Variants in ENDOD1 observed in about 807,000 individuals in gnomAD.
The protein encoded by ENDOD1 is endonuclease domain containing 1.
ENDOD1 carries 9 observed loss-of-function variants against 6.5 expected under a neutral mutation model. That is an observed-to-expected ratio of 1.39 (90% CI 0.84 to 2.43). ENDOD1 has a LOEUF of 2.43. ENDOD1 is among the 30% of genes most tolerant of loss of function. ENDOD1 has a pLI of 0.00. For missense variants in ENDOD1, 648 were observed against 635.5 expected, an observed-to-expected ratio of 1.02 and a Z score of -0.21; for synonymous variants, 255 against 255.2, an observed-to-expected ratio of 1.00 and a Z score of 0.01.
intron 1 of ENDOD1, among the ~76,000 whole-genome samples, chr11:95,107,196 T>G (rs1274706790): frequency 2.6e-5 from 4 of 151,782 alleles, no homozygotes; most frequent in African/African-American, 9.7e-5. Context: ...TTTACTGGTT[T>G]AAGAAGTCTG....
intron 1 of ENDOD1, among the ~76,000 whole-genome samples, chr11:95,093,308 T>C (rs1404376869): frequency 6.6e-6 from 1 of 152,192 alleles, no homozygotes; most frequent in Non-Finnish European, 1.5e-5. Flanking sequence ...TAAACCAGAC[T>C]GTTTGTGATG....
chr11:95,116,811 CTT>C (rs1555112530), intron 1 of ENDOD1, among the ~76,000 whole-genome samples: 3 of 152,144 alleles, frequency 2.0e-5, no homozygotes, highest in Non-Finnish European at 4.4e-5. Flanking sequence ...CAAAATTCCT[CTT>C]GTTATTGATT....
At chr11:95,094,393 T>G (rs1555110124) in intron 1 of ENDOD1, among the ~76,000 whole-genome samples, 6 of 152,172 alleles carry the variant, frequency 3.9e-5, no homozygotes. Flanking sequence ...GTCTTAGGAC[T>G]CTAATTTTCA....
intron 1 of ENDOD1, among the ~76,000 whole-genome samples, chr11:95,105,296 C>T (rs1410883693): frequency 6.6e-6 from 1 of 152,184 alleles, no homozygotes; most frequent in Non-Finnish European, 1.5e-5. Context: ...TGTAAAATGG[C>T]ATAGTATTTG....
At chr11:95,091,621 C>T (rs970982607) in intron 1 of ENDOD1, among the ~76,000 whole-genome samples, 2 of 152,230 alleles carry the variant, frequency 1.3e-5, no homozygotes, top group Non-Finnish European at 2.9e-5. Context: ...CCCTTGATCT[C>T]ATGGACAGCT....
chr11:95,116,855 G>T (rs1254922077), intron 1 of ENDOD1, among the ~76,000 whole-genome samples: 1 of 152,136 alleles, frequency 6.6e-6, no homozygotes, highest in Non-Finnish European at 1.5e-5. Context: ...AAGATGCTTG[G>T]CATTATTTCA....
chr11:95,111,735 C>T (rs1859152659), intron 1 of ENDOD1, among the ~76,000 whole-genome samples: 1 of 152,148 alleles, frequency 6.6e-6, no homozygotes, highest in Non-Finnish European at 1.5e-5. Flanking sequence ...TTCGCTTGCT[C>T]ACCCACTGTT....
rs1330581568 is a variant in ENDOD1, at chr11:95,129,162, G to A, written c.1086G>A (p.Trp362Ter). 1 of 1,614,094 alleles carries A rather than the reference G, an allele frequency of 6.2e-7. No homozygotes were observed. The highest frequency in any genetic ancestry group is 1.7e-5 in the Admixed American group (1 of 60,028). ...TGAAGAACATTGTCTATTTCCTGTGGTGTGTTACCAAGCAGGTGATTAATG... is the reference window on the plus strand; with the variant it reads ...TGAAGAACATTGTCTATTTCCTGTGATGTGTTACCAAGCAGGTGATTAATG... Reference protein sequence around the residue: ...AILKNIVYFLWCVTKQVINGI... With the variant: ...AILKNIVYFL The change falls in exon 2 of 2, where the codon TGG (tryptophan) becomes TGA (stop). Residue 362 changes from tryptophan to a stop codon, truncating the protein, a stop_gained. Coordinates refer to ENST00000278505, the MANE Select transcript of ENDOD1 (RefSeq NM_015036.3). LOFTEE classifies it low-confidence loss of function (END_TRUNC).
intron 1 of ENDOD1, among the ~76,000 whole-genome samples, chr11:95,094,222 G>A (rs1858959286): frequency 6.6e-6 from 1 of 151,174 alleles, no homozygotes; most frequent in Admixed American, 6.6e-5. Context: ...AAAATACTGT[G>A]AGGTAGATAT....
Position 95,129,264 on chromosome 11 carries a change from C to A in ENDOD1, c.1188C>A (p.Ser396Arg). Residue 396 changes from serine (S) to arginine (R), a missense_variant, in exon 2 of 2, where the codon AGC becomes AGA. Transcript: ENST00000278505. ...TGGCCATTGGGGAAGAGTTGGTGAG[C>A]ATTCCCTGGAAGGTGCTCAAGGTCG... ...YFMAIGEELV[S>R]IPWKVLKVVA... The A allele has an allele frequency of 6.2e-7, 1 of 1,614,168 alleles. No homozygotes were observed. The highest frequency in any genetic ancestry group is 8.5e-7 in the Non-Finnish European group (1 of 1,180,024).
intron 1 of ENDOD1, among the ~76,000 whole-genome samples, chr11:95,114,456 C>T (rs1366050755): frequency 1.3e-5 from 2 of 152,122 alleles, no homozygotes; most frequent in Non-Finnish European, 2.9e-5. Context: ...TGGGTTGTCT[C>T]TTCACTTTAT....
intron 1 of ENDOD1, among the ~76,000 whole-genome samples, chr11:95,115,588 G>A (rs58625088): frequency 0.016 from 2,446 of 152,158 alleles, 59 homozygotes; most frequent in African/African-American, 0.056. Flanking sequence ...TATCTTACAG[G>A]AAAGACTTTC....
intron 1 of ENDOD1, among the ~76,000 whole-genome samples, chr11:95,092,666 A>G (rs561568922): frequency 2.6e-5 from 4 of 152,240 alleles, no homozygotes; most frequent in African/African-American, 9.6e-5. Context: ...CTCGACCTCA[A>G]GTCAAGTCAG....
intron 1 of ENDOD1, among the ~76,000 whole-genome samples, chr11:95,108,534 C>CACACACACAAAAAA (rs1176686943): frequency 4.6e-4 from 65 of 141,848 alleles, no homozygotes; most frequent in African/African-American, 1.6e-3. Flanking sequence ...CACAGACACC[C>CACACACACAAAAAA]AAAAAAAGAA....
intron 1 of ENDOD1, among the ~76,000 whole-genome samples, chr11:95,118,147 C>T (rs529197512): frequency 6.6e-5 from 10 of 152,150 alleles, no homozygotes; most frequent in Non-Finnish European, 1.0e-4. Flanking sequence ...GTTGTAGTTA[C>T]GGTTTTTGAC....
chr11:95,106,497 C>G (rs1859090565), intron 1 of ENDOD1, among the ~76,000 whole-genome samples: 1 of 152,122 alleles, frequency 6.6e-6, no homozygotes, highest in Non-Finnish European at 1.5e-5. Flanking sequence ...GTCATTTAAT[C>G]AGGAAGTAAT....
intron 1 of ENDOD1, among the ~76,000 whole-genome samples, chr11:95,102,945 G>A (rs1859055002): frequency 6.6e-6 from 1 of 152,174 alleles, no homozygotes; most frequent in African/African-American, 2.4e-5. Flanking sequence ...TAATTGAGTT[G>A]ACAGTGATGT....
At chr11:95,104,746 T>A (rs1436707704) in intron 1 of ENDOD1, among the ~76,000 whole-genome samples, 2 of 152,222 alleles carry the variant, frequency 1.3e-5, no homozygotes, top group Admixed American at 1.3e-4. Context: ...GGAACCAGAC[T>A]TGGGAACCTT....
At chr11:95,127,315 T>A (rs1021301633) in intron 1 of ENDOD1, among the ~76,000 whole-genome samples, 7 of 152,228 alleles carry the variant, frequency 4.6e-5, no homozygotes, top group Admixed American at 1.3e-4. Flanking sequence ...TGAATTTTTT[T>A]ATAAAGAAAG....
Sources: gnomAD v4.1 joint callset for allele counts (sites outside exome capture counted in the v4.1 genomes callset) on GRCh38, gnomAD v4.1.1 for gene constraint, MANE v1.5 for transcripts, NCBI Gene and HGNC (gene_info 2026-07-23, HGNC 2026-07-21) for gene names.